PDE5A: variants seen among roughly 807,000 people sequenced by gnomAD.
PDE5A encodes the protein phosphodiesterase 5A, also known as cGMP-specific 3',5'-cyclic phosphodiesterase.
Under a neutral mutation model 110.2 loss-of-function variants are expected in PDE5A, and 67 were observed. The observed-to-expected ratio is 0.61, with a 90% CI of 0.50 to 0.75. The LOEUF (loss-of-function observed/expected upper bound fraction) is 0.75, where lower values mean the gene tolerates loss of function less well. Among genes scored for constraint, PDE5A ranks in the 30% least tolerant of loss-of-function variants. The probability of loss-of-function intolerance (pLI) is 0.00; values close to 1 mark genes in which losing one functional copy is unlikely to be tolerated. For synonymous variants in PDE5A, 328 were observed against 351.2 expected (o/e 0.93, Z 0.74); for missense variants, 862 against 1,045.1 (o/e 0.82, Z 2.42).
At chr4:119,611,009 C>G (rs993562178) in intron 1 of PDE5A, among the ~76,000 whole-genome samples, 7 of 152,178 alleles carry the variant, frequency 4.6e-5, no homozygotes, top group Non-Finnish European at 8.8e-5. Context: ...CTCTTGTAAT[C>G]CCCTACAAAT....
chr4:119,607,137 C>G lies in PDE5A; in HGVS notation c.313G>C (p.Glu105Gln). ...GTPTRKISAS[E>Q]FDRPLRPIVV... ...ATGGGTCTAAGAGGCCGGTCAAATT[C>G]AGAGGCAGAGATTTTCCTGGTTGGT... The change falls in exon 2 of 21, where the codon GAA becomes CAA. Residue 105 changes from glutamate (E) to glutamine (Q), a missense_variant. Physicochemically the swap from Glu to Gln is conservative, Grantham distance 29. Transcript: ENST00000354960. 6.2e-7 allele frequency: 1 copy of G among 1,614,160 alleles called. No homozygotes were observed. Among genetic ancestry groups the G allele is most frequent in the Non-Finnish European group, 8.5e-7 (1 of 1,180,030 alleles).
intron 3 of PDE5A, among the ~76,000 whole-genome samples, chr4:119,594,123 T>C (rs7669520): frequency 0.27 from 41,132 of 150,002 alleles, 5,624 homozygotes; most frequent in East Asian, 0.4. Flanking sequence ...TATATCTCAA[T>C]ATAGCTGTGT....
chr4:119,617,253 C>T (rs747326570), intron 1 of PDE5A, among the ~76,000 whole-genome samples: 7 of 152,218 alleles, frequency 4.6e-5, no homozygotes, highest in Admixed American at 3.3e-4. Flanking sequence ...ACACAAGTCA[C>T]GGCTTCTTCC....
At chr4:119,573,581 C>A (rs967162905) in intron 3 of PDE5A, among the ~76,000 whole-genome samples, 1 of 152,104 alleles carries the variant, frequency 6.6e-6, no homozygotes, top group African/African-American at 2.4e-5. Flanking sequence ...TTAGATATTT[C>A]TTTAAGTGAC....
rs181735821 is a variant in PDE5A, at chr4:119,622,400, G to A, written c.152+6120C>T. Among the ~76,000 whole-genome samples the A allele has an allele frequency of 1.3e-4, 19 of 151,958 alleles. No individual in the cohort carries two copies. In the East Asian group the frequency reaches 1.7e-3, roughly 14 times the overall value. ...ATCAAATGGTGATCCTTTCTCTCCC[G>A]ATTTTAGGTAAAATACAATTATTCA... On this transcript the variant is annotated intron_variant, in intron 1 of 20. Transcript: ENST00000354960.
chr4:119,550,010 G>C (rs991500614), intron 9 of PDE5A: 1 of 152,220 alleles, frequency 6.6e-6, no homozygotes, highest in African/African-American at 2.4e-5. Flanking sequence ...TTACATAATA[G>C]TGGAATCTGG....
intron 2 of PDE5A, 141 bp from the exon 3 acceptor site, chr4:119,596,753 T>G (rs1729168146): frequency 2.2e-6 from 1 of 458,436 alleles, no homozygotes; most frequent in East Asian, 3.4e-5. Flanking sequence ...GTGAAAGGCA[T>G]CATCATGTAA....
intron 3 of PDE5A, among the ~76,000 whole-genome samples, chr4:119,591,601 A>G (rs1316221670): frequency 6.6e-6 from 1 of 152,214 alleles, no homozygotes; most frequent in Admixed American, 6.5e-5. Flanking sequence ...TTATACAGAT[A>G]TAAATTTAAA....
At chr4:119,576,444 T>A (rs1728350499) in intron 3 of PDE5A, among the ~76,000 whole-genome samples, 1 of 151,904 alleles carries the variant, frequency 6.6e-6, no homozygotes. Flanking sequence ...GAAGTAAAGC[T>A]CTCCTCAGCA....
chr4:119,612,917 C>A (rs997207221), intron 1 of PDE5A, among the ~76,000 whole-genome samples: 1 of 152,218 alleles, frequency 6.6e-6, no homozygotes, highest in South Asian at 2.1e-4. Context: ...CACAAAGCCA[C>A]TGACAATTAA....
chr4:119,519,400 T>TAGTA (rs1473004428), intron 13 of PDE5A: 1 of 387,648 alleles, frequency 2.6e-6, no homozygotes, highest in African/African-American at 2.1e-5. Flanking sequence ...TGTCCACCTA[T>TAGTA]AGTAAGTATT....
chr4:119,565,986 A>G (rs1266199508), intron 4 of PDE5A, among the ~76,000 whole-genome samples: 1 of 149,130 alleles, frequency 6.7e-6, no homozygotes, highest in African/African-American at 2.4e-5. Flanking sequence ...ATAATAATTA[A>G]TAGTATTAAT....
intron 3 of PDE5A, among the ~76,000 whole-genome samples, chr4:119,580,735 C>A (rs1453381162): frequency 6.6e-6 from 1 of 152,236 alleles, no homozygotes; most frequent in Non-Finnish European, 1.5e-5. Context: ...GACCAAGTCA[C>A]TTTTGCTACA....
intron 1 of PDE5A, among the ~76,000 whole-genome samples, chr4:119,621,832 C>G (rs1278508060): frequency 1.3e-5 from 2 of 152,124 alleles, no homozygotes; most frequent in Non-Finnish European, 2.9e-5. Context: ...TATTGTAAAT[C>G]AAAAAGAATG....
chr4:119,521,169 G>T (rs1180172454), intron 12 of PDE5A, 109 bp from the exon 13 acceptor site: 6 of 1,136,376 alleles, frequency 5.3e-6, no homozygotes, highest in African/African-American at 3.1e-5. Flanking sequence ...CTCCGATTTG[G>T]ATCATCTTAC....
intron 3 of PDE5A, among the ~76,000 whole-genome samples, chr4:119,573,200 C>A (rs747173764): frequency 1.7e-4 from 26 of 152,148 alleles, no homozygotes; most frequent in Non-Finnish European, 3.2e-4. Flanking sequence ...CTACTACAAT[C>A]TTTAAGAAAC....
In PDE5A at chr4:119,541,598, C is replaced by CT. The variant is rs1726931030; in HGVS notation, c.1572+860dup. ...TTATATAATATATGTCTCTCTAGCT[C>CT]TTTAAGGTTAGTTATGTACTTAAGA... is the stretch of plus-strand genomic sequence containing the variant. On this transcript the variant is annotated intron_variant, in intron 10 of 20. Coordinates refer to ENST00000354960, the MANE Select transcript of PDE5A (RefSeq NM_001083.4). Among the ~76,000 whole-genome samples, 4 of 152,004 alleles carry CT rather than the reference C, an allele frequency of 2.6e-5. No individual in the cohort carries two copies. The South Asian group carries it at 8.3e-4, about 32-fold the overall frequency.
At chr4:119,529,846 A>T (rs1374335803) in intron 11 of PDE5A, among the ~76,000 whole-genome samples, 1 of 152,146 alleles carries the variant, frequency 6.6e-6, no homozygotes, top group Admixed American at 6.6e-5. Flanking sequence ...ATTTGACCTG[A>T]TGAGTTTGAA....
At chr4:119,542,338 A>G in intron 10 of PDE5A, 121 bp downstream of exon 10, 1 of 800,840 alleles carries the variant, frequency 1.2e-6, no homozygotes. Context: ...CATCATCTAA[A>G]TCACATAATT....
Sources: allele counts gnomAD v4.1 joint callset (sites outside exome capture counted in the v4.1 genomes callset), GRCh38; gene constraint gnomAD v4.1.1; transcripts MANE v1.5; gene names NCBI Gene and HGNC (gene_info 2026-07-23, HGNC 2026-07-21).